The following SHISA9 variants were observed in gnomAD, a reference collection of about 807,000 sequenced individuals.
The protein encoded by SHISA9 is protein shisa-9.
Under a neutral mutation model 38.0 loss-of-function variants are expected in SHISA9, and 13 were observed. That is an observed-to-expected ratio of 0.34 (90% CI 0.22 to 0.54). The LOEUF (loss-of-function observed/expected upper bound fraction) is 0.54. Ranked by LOEUF, SHISA9 falls within the 20% of genes least tolerant of loss-of-function variation. The pLI is 0.91. For missense variants in SHISA9, 538 were observed against 575.8 expected (o/e 0.93, Z 0.67); for synonymous variants, 275 against 242.0 (o/e 1.14, Z -1.27).
At chr16:12,914,623 T>C (rs1414218133) in intron 1 of SHISA9, among the ~76,000 whole-genome samples, 2 of 152,186 alleles carry the variant, frequency 1.3e-5, no homozygotes, top group Non-Finnish European at 2.9e-5. Flanking sequence ...GTGAGAAGCA[T>C]GTGCACTAGT....
At chr16:13,126,668 G>GGA (rs375707435) in intron 2 of SHISA9, among the ~76,000 whole-genome samples, 1 of 147,046 alleles carries the variant, frequency 6.8e-6, no homozygotes, top group Non-Finnish European at 1.5e-5. Flanking sequence ...ACTGAGGAAG[G>GGA]GAGAGAGAGA....
the SHISA9 span, among the ~76,000 whole-genome samples, chr16:13,326,928 T>A: frequency 3.9e-5 from 6 of 152,200 alleles, no homozygotes; most frequent in African/African-American, 7.2e-5. Context: ...ACTCAGTGAA[T>A]CATTTCAGAA....
chr16:13,503,808 T>A, the SHISA9 span, among the ~76,000 whole-genome samples: 1 of 152,226 alleles, frequency 6.6e-6, no homozygotes, highest in Non-Finnish European at 1.5e-5. Flanking sequence ...TTCCACATGT[T>A]CACAGTAAAA....
At chr16:13,357,251 C>T in the SHISA9 span, among the ~76,000 whole-genome samples, 11 of 152,146 alleles carry the variant, frequency 7.2e-5, no homozygotes, top group South Asian at 4.1e-4. Flanking sequence ...AGTCCGTGAC[C>T]GGCGCCGGAG....
intron 2 of SHISA9, among the ~76,000 whole-genome samples, chr16:13,094,114 A>G (rs2073802492): frequency 6.6e-6 from 1 of 152,202 alleles, no homozygotes; most frequent in African/African-American, 2.4e-5. Context: ...CTGTGCTAGC[A>G]GAAAAGACGT....
At chr16:12,990,874 C>A (rs909468669) in intron 2 of SHISA9, among the ~76,000 whole-genome samples, 1 of 152,170 alleles carries the variant, frequency 6.6e-6, no homozygotes, top group Admixed American at 6.5e-5. Flanking sequence ...CATAGCTTTT[C>A]TATGGTTTTC....
At chr16:12,999,211 C>T (rs770245185) in intron 2 of SHISA9, among the ~76,000 whole-genome samples, 4 of 152,130 alleles carry the variant, frequency 2.6e-5, no homozygotes, top group Non-Finnish European at 5.9e-5. Context: ...CAGCACTACA[C>T]GTGGGGGCTG....
the SHISA9 span, among the ~76,000 whole-genome samples, chr16:13,421,383 G>A: frequency 6.6e-6 from 1 of 152,178 alleles, no homozygotes; most frequent in Non-Finnish European, 1.5e-5. Context: ...GGCAGGAGGT[G>A]AAAGGCACTT....
At chr16:13,452,680 T>A in the SHISA9 span, among the ~76,000 whole-genome samples, 14 of 152,150 alleles carry the variant, frequency 9.2e-5, no homozygotes, top group Non-Finnish European at 2.1e-4. Context: ...CAGTGGCTTC[T>A]GGTAGACTGC....
At chr16:13,253,306 G>C in the SHISA9 span, among the ~76,000 whole-genome samples, 1 of 152,250 alleles carries the variant, frequency 6.6e-6, no homozygotes, top group South Asian at 2.1e-4. Context: ...GTATCGTGAG[G>C]CTGAGGTTTG....
chr16:13,511,992 AAC>A, the SHISA9 span, among the ~76,000 whole-genome samples: 1 of 152,122 alleles, frequency 6.6e-6, no homozygotes, highest in Non-Finnish European at 1.5e-5. Context: ...AACTTCATAA[AAC>A]ACAGGGCACT....
the SHISA9 span, among the ~76,000 whole-genome samples, chr16:13,397,613 T>C: frequency 6.6e-6 from 1 of 152,146 alleles, no homozygotes; most frequent in Non-Finnish European, 1.5e-5. Context: ...TTTTGTGTTT[T>C]TTAGTAGAGA....
intron 2 of SHISA9, among the ~76,000 whole-genome samples, chr16:13,049,097 C>T (rs1414873144): frequency 6.6e-6 from 1 of 151,522 alleles, no homozygotes; most frequent in East Asian, 1.9e-4. Context: ...AGGCACTAGC[C>T]AGGAAATTAC....
chr16:13,043,701 A>G (rs1471629701), intron 2 of SHISA9, among the ~76,000 whole-genome samples: 1 of 152,178 alleles, frequency 6.6e-6, no homozygotes, highest in Non-Finnish European at 1.5e-5. Context: ...AGTAGTCCAG[A>G]GCCATGCACT....
the SHISA9 span, among the ~76,000 whole-genome samples, chr16:13,491,504 A>G: frequency 0.02 from 3,053 of 150,300 alleles, 43 homozygotes; most frequent in Middle Eastern, 0.082. Flanking sequence ...TTTTGTTGGT[A>G]TTGAGACTGA....
intron 3 of SHISA9, among the ~76,000 whole-genome samples, chr16:13,212,286 A>G (rs765970973): frequency 6.6e-6 from 1 of 152,192 alleles, no homozygotes; most frequent in Non-Finnish European, 1.5e-5. Flanking sequence ...TCTCCAGCCA[A>G]TGAGGAGAGG....
chr16:13,386,788 TG>T, the SHISA9 span, among the ~76,000 whole-genome samples: 1 of 152,336 alleles, frequency 6.6e-6, no homozygotes, highest in East Asian at 1.9e-4. Flanking sequence ...TCATTTTAAT[TG>T]TTATTGTAAT....
At chr16:13,023,265 C>T (rs753650159) in intron 2 of SHISA9, among the ~76,000 whole-genome samples, 11 of 152,110 alleles carry the variant, frequency 7.2e-5, no homozygotes, top group Non-Finnish European at 1.2e-4. Context: ...TGAGAACATG[C>T]GGTGTTTGGT....
At chr16:13,248,027 G>T in the SHISA9 span, among the ~76,000 whole-genome samples, 1 of 152,178 alleles carries the variant, frequency 6.6e-6, no homozygotes, top group Non-Finnish European at 1.5e-5. Context: ...TGTATCAAAG[G>T]CAGTTGAGCT....
Sources: gnomAD v4.1 joint callset for allele counts (sites outside exome capture counted in the v4.1 genomes callset) on GRCh38, gnomAD v4.1.1 for gene constraint, MANE v1.5 for transcripts, NCBI Gene and HGNC (gene_info 2026-07-23, HGNC 2026-07-21) for gene names.